PAQR5: variants seen among roughly 807,000 people sequenced by gnomAD.
PAQR5 encodes membrane progestin receptor gamma.
A neutral mutation model predicts 34.5 loss-of-function variants in PAQR5; 20 were observed. The observed-to-expected ratio is 0.58, with a 90% CI of 0.41 to 0.84. The LOEUF (loss-of-function observed/expected upper bound fraction) is 0.84, where lower values mean the gene tolerates loss of function less well. PAQR5 is among the 40% of genes least tolerant of loss of function. The pLI, the probability that PAQR5 is intolerant of heterozygous loss-of-function variation, is 0.00. For missense variants in PAQR5, 378 were observed against 412.7 expected, an observed-to-expected ratio of 0.92 and a Z score of 0.73; for synonymous variants, 131 against 155.6, an observed-to-expected ratio of 0.84 and a Z score of 1.18.
At chr15:69,321,276 T>C (rs1039165364) in intron 1 of PAQR5, among the ~76,000 whole-genome samples, 7 of 152,222 alleles carry the variant, frequency 4.6e-5, no homozygotes, top group African/African-American at 1.4e-4. Context: ...ATTGTTATTC[T>C]CTCATTTTCA....
At chr15:69,317,346 G>T (rs1425294798) in intron 1 of PAQR5, among the ~76,000 whole-genome samples, 3 of 152,140 alleles carry the variant, frequency 2.0e-5, no homozygotes, top group Non-Finnish European at 4.4e-5. Flanking sequence ...GCTCCCCACT[G>T]GCTGTGGGGC....
intron 3 of PAQR5, among the ~76,000 whole-genome samples, chr15:69,362,152 G>C (rs1039680360): frequency 6.6e-6 from 1 of 152,194 alleles, no homozygotes; most frequent in Non-Finnish European, 1.5e-5. Context: ...TGTCAGGGCT[G>C]GACAACCCTG....
At chr15:69,388,411 T>C (rs2056169271) in intron 5 of PAQR5, among the ~76,000 whole-genome samples, 1 of 152,248 alleles carries the variant, frequency 6.6e-6, no homozygotes, top group Admixed American at 6.5e-5. Context: ...TGCCTTGTGC[T>C]CCACCCATCC....
intron 1 of PAQR5, among the ~76,000 whole-genome samples, chr15:69,314,998 T>C (rs2053914442): frequency 6.6e-6 from 1 of 152,138 alleles, no homozygotes; most frequent in Non-Finnish European, 1.5e-5. Context: ...TTAAATGTGA[T>C]CTTACGGACC....
In PAQR5 at chr15:69,380,022, C is replaced by T. The variant is rs1227731122; in HGVS notation, c.179+12C>T. 1.9e-6 allele frequency: 3 copies of T among 1,613,458 alleles called. No homozygotes were observed. Among genetic ancestry groups the T allele is most frequent in the Non-Finnish European group, 2.5e-6 (3 of 1,179,582 alleles). ...TTGCTGCCCTTCTGGTACCTTCTGG[C>T]CCCCTCGACCGGCCTGTCTCCTTCA... On this transcript the variant is annotated intron_variant, in intron 4 of 8. Transcript: ENST00000395407.
intron 8 of PAQR5, 82 bp from the exon 9 acceptor site, chr15:69,403,499 T>C: frequency 7.3e-7 from 1 of 1,366,776 alleles, no homozygotes; most frequent in Non-Finnish European, 1.0e-6. Context: ...CTTAGCATCA[T>C]TTTTAGCATG....
rs376017605 is a variant in PAQR5 at position 69,301,920 on chromosome 15, T to C, written c.-277+2864T>C. Among the ~76,000 whole-genome samples, 108 of 129,654 alleles carry C rather than the reference T, an allele frequency of 8.3e-4. 1 individual carries two copies. Among genetic ancestry groups the C allele is most frequent in the African/African-American group, 3.3e-3 (101 of 31,002 alleles). 85.1% of individuals were successfully genotyped at this position (129,654 alleles called of 152,430 possible). ...TTAGCACAGTGTTAGGAGTCAAGAA[T>C]GGTGGCAGGAAACTGGGCAGGGCCA... On this transcript the variant is annotated intron_variant, in intron 1 of 8. Coordinates refer to ENST00000395407, the MANE Select transcript of PAQR5 (RefSeq NM_017705.4).
intron 3 of PAQR5, among the ~76,000 whole-genome samples, chr15:69,374,656 A>G (rs575408004): frequency 6.6e-6 from 1 of 152,210 alleles, no homozygotes; most frequent in African/African-American, 2.4e-5. Flanking sequence ...CAGCCTGGGC[A>G]ACAGAGTGAG....
chr15:69,355,883 T>G (rs754131594), intron 2 of PAQR5, among the ~76,000 whole-genome samples: 2 of 152,140 alleles, frequency 1.3e-5, no homozygotes, highest in Non-Finnish European at 2.9e-5. Context: ...TCAGTTAAAT[T>G]CTCAGCTTTT....
At chr15:69,319,364 A>G (rs1206863555) in intron 1 of PAQR5, among the ~76,000 whole-genome samples, 2 of 150,648 alleles carry the variant, frequency 1.3e-5, no homozygotes, top group African/African-American at 4.9e-5. Flanking sequence ...AGCTCCTTGT[A>G]CTTCTGCTTG....
chr15:69,299,969 G>GGCAGATGA (rs2053493711), intron 1 of PAQR5, among the ~76,000 whole-genome samples: 1 of 152,128 alleles, frequency 6.6e-6, no homozygotes, highest in Non-Finnish European at 1.5e-5. Context: ...TTAACACATG[G>GGCAGATGA]GCAGATGAGA....
chr15:69,391,186 T>A (rs960343099), intron 6 of PAQR5: 8 of 153,616 alleles, frequency 5.2e-5, no homozygotes, highest in Admixed American at 1.3e-4. Context: ...AGGTGAGATA[T>A]GCCCCATCTG....
chr15:69,303,932 G>A (rs552567392), intron 1 of PAQR5, among the ~76,000 whole-genome samples: 118 of 152,312 alleles, frequency 7.7e-4, no homozygotes, highest in African/African-American at 2.6e-3. Flanking sequence ...CATCGTCATT[G>A]TGGTTTGCCA....
At chr15:69,367,186 TC>T (rs2055425220) in intron 3 of PAQR5, among the ~76,000 whole-genome samples, 1 of 152,036 alleles carries the variant, frequency 6.6e-6, no homozygotes, top group Admixed American at 6.5e-5. Context: ...ACATTTATTT[TC>T]ATTGTCTTAA....
chr15:69,382,706 G>GTATA (rs2055930522), intron 4 of PAQR5: 21 of 98,732 alleles, frequency 2.1e-4, no homozygotes, highest in African/African-American at 5.0e-4. Context: ...ATATATATAT[G>GTATA]TATGTATGTA....
chr15:69,305,206 T>G (rs1158443723), intron 1 of PAQR5, among the ~76,000 whole-genome samples: 1 of 152,170 alleles, frequency 6.6e-6, no homozygotes, highest in Non-Finnish European at 1.5e-5. Context: ...TCACATCCCC[T>G]TCCCTTCCTG....
chr15:69,364,886 C>T (rs866643765), intron 3 of PAQR5, among the ~76,000 whole-genome samples: 3 of 147,690 alleles, frequency 2.0e-5, no homozygotes, highest in East Asian at 2.0e-4. Context: ...CACAGGTGTC[C>T]GCCACCACAC....
intron 3 of PAQR5, among the ~76,000 whole-genome samples, chr15:69,374,205 T>G (rs1191987805): frequency 3.3e-5 from 5 of 152,340 alleles, no homozygotes; most frequent in African/African-American, 1.2e-4. Context: ...ATTCAGCCTA[T>G]TTAAAGTTCT....
At chr15:69,328,395 G>T (rs566315642) in intron 1 of PAQR5, among the ~76,000 whole-genome samples, 1 of 152,350 alleles carries the variant, frequency 6.6e-6, no homozygotes, top group South Asian at 2.1e-4. Context: ...AGGTCTGAAA[G>T]CCAGATCAGT....
Sources: allele counts gnomAD v4.1 joint callset (sites outside exome capture counted in the v4.1 genomes callset), GRCh38; gene constraint gnomAD v4.1.1; transcripts MANE v1.5; gene names NCBI Gene and HGNC (gene_info 2026-07-23, HGNC 2026-07-21).